PODXL: variants seen among roughly 807,000 people sequenced by gnomAD.
PODXL encodes podocalyxin like, also known as podocalyxin.
In PODXL, 20 loss-of-function variants were observed where a neutral mutation model predicts 48.9. The ratio of observed to expected loss-of-function variants is 0.41; its 90% CI spans 0.29 to 0.59. PODXL has a LOEUF of 0.59. Among genes scored for constraint, PODXL ranks in the 20% least tolerant of loss-of-function variants. The pLI is 0.31. For synonymous variants in PODXL, 295 were observed against 287.4 expected, an observed-to-expected ratio of 1.03 and a Z score of -0.27; for missense variants, 606 against 675.1, an observed-to-expected ratio of 0.90 and a Z score of 1.13.
chr7:131,549,784 G>A (rs1798640853), intron 1 of PODXL, among the ~76,000 whole-genome samples: 1 of 152,186 alleles, frequency 6.6e-6, no homozygotes, highest in Admixed American at 6.5e-5. Flanking sequence ...ATGACAATTG[G>A]TGGACGAGGT....
intron 1 of PODXL, among the ~76,000 whole-genome samples, chr7:131,514,300 G>C (rs1364289756): frequency 6.6e-6 from 1 of 152,102 alleles, no homozygotes; most frequent in East Asian, 1.9e-4. Flanking sequence ...TGTAATCCTA[G>C]CTACTCAGGA....
chr7:131,554,765 C>T (rs1045455478), intron 1 of PODXL, among the ~76,000 whole-genome samples: 2 of 152,204 alleles, frequency 1.3e-5, no homozygotes, highest in African/African-American at 2.4e-5. Context: ...CACAGCCCAA[C>T]GCCCTTCTGG....
chr7:131,507,260 G>C (rs1330678430), intron 5 of PODXL, among the ~76,000 whole-genome samples: 4 of 152,252 alleles, frequency 2.6e-5, no homozygotes, highest in Non-Finnish European at 4.4e-5. Context: ...CCTAGGCAGA[G>C]CCTCTGGCTC....
chr7:131,530,816 C>T (rs1185320154), intron 1 of PODXL, among the ~76,000 whole-genome samples: 2 of 150,030 alleles, frequency 1.3e-5, no homozygotes, highest in South Asian at 2.1e-4. Context: ...TCCCAGCACT[C>T]GGGAGGCCAA....
At position 131,535,106 on chromosome 7, in the gene PODXL, G is replaced by C. The variant is rs375684683; in HGVS notation, c.100+21154C>G. On this transcript the variant is annotated intron_variant, in intron 1 of 8. Transcript: ENST00000378555. ...ATATTGACCATCAACGGAGGGCCAG[G>C]GTATCTCCTTAATTCTCAAAAGGAC... 3.0e-3 allele frequency among the ~76,000 whole-genome samples: 462 copies of C among 152,182 alleles called. 6 individuals are homozygous for C. Among genetic ancestry groups the C allele is most frequent in the African/African-American group, 9.7e-3 (402 of 41,534 alleles).
At chr7:131,539,283 G>A (rs997154565) in intron 1 of PODXL, among the ~76,000 whole-genome samples, 1 of 152,200 alleles carries the variant, frequency 6.6e-6, no homozygotes, top group Non-Finnish European at 1.5e-5. Flanking sequence ...CTCATCTGTC[G>A]AGGGAGACAT....
intron 1 of PODXL, 99 bp downstream of exon 1, chr7:131,556,161 G>A: frequency 7.5e-7 from 1 of 1,336,974 alleles, no homozygotes; most frequent in Non-Finnish European, 9.6e-7. Context: ...GCTGCTCGGG[G>A]TCGGACCACG....
chr7:131,515,801 C>T (rs1392237576), intron 1 of PODXL, among the ~76,000 whole-genome samples: 1 of 152,162 alleles, frequency 6.6e-6, no homozygotes, highest in Non-Finnish European at 1.5e-5. Context: ...GAAGCTCTAC[C>T]ACTGCTCTCC....
At chr7:131,504,583 C>T in intron 8 of PODXL, 75 bp from the exon 9 acceptor site, 1 of 1,243,716 alleles carries the variant, frequency 8.0e-7, no homozygotes, top group South Asian at 1.3e-5. Context: ...TGTACGTACC[C>T]CTCCCACTCA....
chr7:131,519,367 C>T lies in PODXL; in HGVS notation c.101-7934G>A, dbSNP rs73722848. Among the ~76,000 whole-genome samples, 615 of 152,166 alleles carry T rather than the reference C, an allele frequency of 4.0e-3. 3 individuals carry two copies. Among genetic ancestry groups the T allele is most frequent in the African/African-American group, 0.014 (571 of 41,504 alleles). On this transcript the variant is annotated intron_variant, in intron 1 of 8. Coordinates refer to ENST00000378555, the MANE Select transcript of PODXL (RefSeq NM_001018111.3). ...ACAGGCATTCTGAGGGTGTGAGCCG[C>T]GCTCCAATTTCCATTGTCCTCCTTT...
At chr7:131,554,989 G>A (rs1187581138) in intron 1 of PODXL, among the ~76,000 whole-genome samples, 1 of 152,104 alleles carries the variant, frequency 6.6e-6, no homozygotes. Context: ...TCCCCCCGCC[G>A]GGACCTTCCC....
At position 131,509,386 on chromosome 7, in the gene PODXL, A is replaced by G. The variant is rs1797870755; in HGVS notation, c.1002T>C (p.Thr334=). Residue 334 remains threonine, a synonymous_variant, in exon 4 of 9, where the codon ACT becomes ACC. Transcript: ENST00000378555. ...THRYPKTPSP[T]VAHESNWAKC... Reference sequence around the variant, plus strand: ...TTACCCAGTTACTCTCATGAGCCACAGTGGGAGAAGGTGTTTTGGGGTATC... The same window carrying G: ...TTACCCAGTTACTCTCATGAGCCACGGTGGGAGAAGGTGTTTTGGGGTATC... The G allele has an allele frequency of 6.2e-7, 1 of 1,613,744 alleles. No homozygotes were observed. The highest frequency in any genetic ancestry group is 8.5e-7 in the Non-Finnish European group (1 of 1,179,822).
At chr7:131,510,197 G>C (rs891142758) in intron 3 of PODXL, 39 bp downstream of exon 3, 18 of 446,958 alleles carry the variant, frequency 4.0e-5, no homozygotes, top group African/African-American at 3.2e-4. Flanking sequence ...AAGTAAGTAA[G>C]TAAGTAAACA....
At chr7:131,531,886 G>A (rs939278927) in intron 1 of PODXL, among the ~76,000 whole-genome samples, 9 of 152,182 alleles carry the variant, frequency 5.9e-5, no homozygotes, top group Admixed American at 5.2e-4. Context: ...CGAGGTGGGC[G>A]GATCACCTGA....
intron 1 of PODXL, among the ~76,000 whole-genome samples, chr7:131,551,203 A>C (rs1798663111): frequency 6.6e-6 from 1 of 152,208 alleles, no homozygotes; most frequent in South Asian, 2.1e-4. Flanking sequence ...GATCTGCTAC[A>C]TCACTTGATT....
Position 131,509,038 on chromosome 7 carries a change from G to A in PODXL, c.1024-10C>T. On this transcript the variant is annotated splice_polypyrimidine_tract_variant and intron_variant, in intron 4 of 8. Transcript: ENST00000378555. ...GATCCTCACACTTTGCCTGGAAGAA[G>A]CCACTGAGATTAAGGTTTGGGCTAA... 1.9e-6 allele frequency: 3 copies of A among 1,609,016 alleles called. No individual in the cohort carries two copies. Among genetic ancestry groups the A allele is most frequent in the Non-Finnish European group, 2.6e-6 (3 of 1,175,374 alleles).
At chr7:131,519,662 T>C (rs1463583928) in intron 1 of PODXL, among the ~76,000 whole-genome samples, 2 of 152,152 alleles carry the variant, frequency 1.3e-5, no homozygotes, top group African/African-American at 4.8e-5. Context: ...GTAATAGTTA[T>C]TTAAAGCATA....
intron 6 of PODXL, 95 bp from the exon 7 acceptor site, chr7:131,506,416 A>G (rs1797803804): frequency 6.9e-7 from 1 of 1,456,254 alleles, no homozygotes; most frequent in Non-Finnish European, 9.6e-7. Flanking sequence ...ACCGTATCTC[A>G]GTCTCCTGAG....
In PODXL at chr7:131,503,244, T is replaced by TG. The variant is rs776962929; in HGVS notation, c.*1066dup. On this transcript the variant is annotated 3_prime_UTR_variant, in exon 9 of 9. Transcript: ENST00000378555. ...ATTGTCTCTGAAGACACATCGCTGA[T>TG]GGGGGGCCCCGGGAAGGCCTCTCCT... The TG allele has an allele frequency of 6.5e-6, 1 of 152,698 alleles. No homozygotes were observed. Among genetic ancestry groups the TG allele is most frequent in the Non-Finnish European group, 1.5e-5 (1 of 68,098 alleles). 9.5% of individuals were successfully genotyped at this position (152,698 alleles called of 1,614,324 possible). A position where few individuals can be genotyped will look rare whatever the true frequency, so the allele number is the denominator to read the frequency against.
Sources: gnomAD v4.1 joint callset for allele counts (sites outside exome capture counted in the v4.1 genomes callset) on GRCh38, gnomAD v4.1.1 for gene constraint, MANE v1.5 for transcripts, NCBI Gene and HGNC (gene_info 2026-07-23, HGNC 2026-07-21) for gene names.